The following COL5A1 variants were observed in gnomAD, a reference collection of about 807,000 sequenced individuals.
COL5A1 encodes the protein collagen type V alpha 1 chain, also known as collagen alpha-1(V) chain.
Under a neutral mutation model 263.7 loss-of-function variants are expected in COL5A1, and 16 were observed. That is an observed-to-expected ratio of 0.06 (90% confidence interval 0.04 to 0.09). The LOEUF (loss-of-function observed/expected upper bound fraction) is 0.09. Among genes scored for constraint, COL5A1 ranks in the 10% least tolerant of loss-of-function variants. The pLI is 1.00. For synonymous variants in COL5A1, 1,012 were observed against 1,004.5 expected, an observed-to-expected ratio of 1.01 and a Z score of -0.14; for missense variants, 2,036 against 2,540.5, an observed-to-expected ratio of 0.80 and a Z score of 4.27.
At chr9:134,830,156 C>G in intron 64 of COL5A1, 112 bp downstream of exon 64, 2 of 1,611,456 alleles carry the variant, frequency 1.2e-6, no homozygotes, top group Non-Finnish European at 1.7e-6. Context: ...CTGGTATAGT[C>G]AGTACAAGCG....
rs532325654 is a variant in COL5A1 at position 134,758,787 on chromosome 9, G to A, written c.1935+491G>A. 1.2e-4 allele frequency among the ~76,000 whole-genome samples: 19 copies of A among 152,286 alleles called. No homozygotes were observed. Among genetic ancestry groups the A allele is most frequent in the African/African-American group, 4.6e-4 (19 of 41,556 alleles). On this transcript the variant is annotated intron_variant, in intron 18 of 65. Coordinates refer to ENST00000371817, the MANE Select transcript of COL5A1 (RefSeq NM_000093.5). The surrounding 1 kb of genome is among the most constrained non-coding windows in gnomAD (Gnocchi z 4.1). ...CCCCTGTTCCCTGTTAATGGGCGTGGATGAATTTGAAAGTGTGTCCCGTGA... is the reference window on the plus strand; with the variant it reads ...CCCCTGTTCCCTGTTAATGGGCGTGAATGAATTTGAAAGTGTGTCCCGTGA...
At chr9:134,671,852 A>C (rs993746670) in intron 1 of COL5A1, among the ~76,000 whole-genome samples, 5 of 152,248 alleles carry the variant, frequency 3.3e-5, no homozygotes, top group African/African-American at 1.2e-4. Context: ...GTGCTGTCCG[A>C]TGCCAGGGCT....
intron 18 of COL5A1, among the ~76,000 whole-genome samples, chr9:134,760,492 CCA>C (rs779560736): frequency 8.3e-6 from 1 of 120,500 alleles, no homozygotes. Flanking sequence ...TGCACACACA[CCA>C]CACATGCACA....
At chr9:134,759,242 CACCACACAT>C in intron 18 of COL5A1, among the ~76,000 whole-genome samples, 1 of 140,112 alleles carries the variant, frequency 7.1e-6, no homozygotes, top group East Asian at 2.6e-4. Context: ...ACACCACATA[CACCACACAT>C]GTGTGCGCGC....
At chr9:134,819,139 TCCGTCACCTAAATGTGTCAAG>T in intron 57 of COL5A1, 86 bp downstream of exon 57, 1 of 1,396,224 alleles carries the variant, frequency 7.2e-7, no homozygotes, top group Non-Finnish European at 1.0e-6. Context: ...AAGCTCTTGA[TCCGTCACCTAAATGTGTCAAG>T]CACCTGCTGC....
At chr9:134,667,833 G>A (rs1832406392) in intron 1 of COL5A1, among the ~76,000 whole-genome samples, 1 of 152,212 alleles carries the variant, frequency 6.6e-6, no homozygotes, top group Non-Finnish European at 1.5e-5. Context: ...TCCTAGAAAA[G>A]GAGCTGAAAT....
chr9:134,654,412 T>C (rs1831836949), intron 1 of COL5A1, among the ~76,000 whole-genome samples: 2 of 86,452 alleles, frequency 2.3e-5, no homozygotes, highest in Admixed American at 1.3e-4. Flanking sequence ...CTGGTGTGTG[T>C]AGGGCTGGAG....
rs1375173281 is a variant in COL5A1, at chr9:134,759,270, AT to A, written c.1935+975del. On this transcript the variant is annotated intron_variant, in intron 18 of 65. Transcript: ENST00000371817. ...CACACATGTGTGCGCGCACACACTC[AT>A]ACACACATGCACACACACGCATACA... Among the ~76,000 whole-genome samples the A allele has an allele frequency of 1.6e-4, 17 of 105,692 alleles. No individual in the cohort carries two copies. In the East Asian group the frequency reaches 6.2e-3, roughly 39 times the overall value. 69.3% of individuals were successfully genotyped at this position (105,692 alleles called of 152,430 possible).
chr9:134,740,792 C>G lies in COL5A1; in HGVS notation c.1494+1984C>G, dbSNP rs187325922. Among the ~76,000 whole-genome samples the G allele has an allele frequency of 3.3e-3, 499 of 152,298 alleles. 2 individuals are homozygous for G. Among genetic ancestry groups the G allele is most frequent in the African/African-American group, 0.011 (473 of 41,566 alleles). ...CCTTGTGACACCGTGACCTACCCAG[C>G]TGCCGTGGAGGAGCCAAGGGCCCTG... On this transcript the variant is annotated intron_variant, in intron 11 of 65. Coordinates refer to ENST00000371817, the MANE Select transcript of COL5A1 (RefSeq NM_000093.5).
At chr9:134,762,000 C>A (rs371586440) in intron 19 of COL5A1, 22 bp downstream of exon 19, 1 of 1,611,896 alleles carries the variant, frequency 6.2e-7, no homozygotes, top group South Asian at 1.1e-5. Flanking sequence ...GCCGTCCCTC[C>A]GACTGCTCCT....
At chr9:134,764,629 G>A (rs779139465) in intron 20 of COL5A1, among the ~76,000 whole-genome samples, 2 of 152,056 alleles carry the variant, frequency 1.3e-5, no homozygotes, top group Non-Finnish European at 2.9e-5. Flanking sequence ...CTCTTTTCTC[G>A]TAGCCAAGTC....
intron 4 of COL5A1, among the ~76,000 whole-genome samples, chr9:134,707,812 A>G (rs1234446742): frequency 3.9e-5 from 6 of 152,174 alleles, no homozygotes; most frequent in Non-Finnish European, 8.8e-5. Context: ...GCAGCTCTGG[A>G]GCCCGCAGCC....
intron 1 of COL5A1, among the ~76,000 whole-genome samples, chr9:134,687,470 C>G (rs550377035): frequency 6.6e-6 from 1 of 151,564 alleles, no homozygotes; most frequent in African/African-American, 2.4e-5. Flanking sequence ...ATCCATCCAT[C>G]CATTCATCCA....
chr9:134,697,973 A>G (rs1024610413), intron 2 of COL5A1, among the ~76,000 whole-genome samples: 5 of 152,162 alleles, frequency 3.3e-5, no homozygotes, highest in African/African-American at 1.2e-4. Context: ...AGTCCCAGCT[A>G]CTTGGGAGGC....
intron 37 of COL5A1, among the ~76,000 whole-genome samples, chr9:134,798,713 G>T (rs1180591049): frequency 6.6e-6 from 1 of 152,264 alleles, no homozygotes; most frequent in Non-Finnish European, 1.5e-5. Context: ...GCAGGTGTTG[G>T]CTTTGGGCTG....
Position 134,652,780 on chromosome 9 carries a change from C to T in COL5A1, c.109+10484C>T, listed in dbSNP as rs779537954. The T allele has an allele frequency of 2.8e-5, 13 of 469,956 alleles. No individual in the cohort carries two copies. Among genetic ancestry groups the T allele is most frequent in the Non-Finnish European group, 5.3e-5 (12 of 226,482 alleles). 29.1% of individuals were successfully genotyped at this position (469,956 alleles called of 1,614,324 possible). ...TCTTAGGCCGGGTCCAGCGTTTCTC[C>T]TCATGGTGTAGACCAGCAGTTCCCA... On this transcript the variant is annotated intron_variant, in intron 1 of 65. Coordinates refer to ENST00000371817, the MANE Select transcript of COL5A1 (RefSeq NM_000093.5). This position sits in a 1 kb window ranked among gnomAD's most constrained non-coding sequence, Gnocchi z 4.4.
intron 1 of COL5A1, among the ~76,000 whole-genome samples, chr9:134,651,712 T>C (rs923520427): frequency 1.3e-5 from 2 of 152,166 alleles, no homozygotes; most frequent in African/African-American, 4.8e-5. Flanking sequence ...CCATGGGCTC[T>C]GCACAGTGGG....
chr9:134,731,487 C>T lies in COL5A1; in HGVS notation c.1165-9C>T, dbSNP rs759919482. Reference sequence around the variant, plus strand: ...CGAGGCAACCCTGCGCCTTCCTCTCCCTCTGCAGCCAGCTCCGCCTCCAGG... The same window carrying T: ...CGAGGCAACCCTGCGCCTTCCTCTCTCTCTGCAGCCAGCTCCGCCTCCAGG... On this transcript the variant is annotated splice_polypyrimidine_tract_variant and intron_variant, in intron 7 of 65. Transcript: ENST00000371817. 8 of 1,614,006 alleles carry T rather than the reference C, an allele frequency of 5.0e-6. No individual in the cohort carries two copies. In the South Asian group the frequency reaches 6.6e-5, roughly 13 times the overall value.
intron 37 of COL5A1, 62 bp downstream of exon 37, chr9:134,798,523 C>T (rs1837999570): frequency 2.6e-6 from 4 of 1,527,070 alleles, no homozygotes; most frequent in Non-Finnish European, 3.6e-6. Flanking sequence ...TGCACGTGGG[C>T]ACAGCCCTCG....
Sources: gnomAD v4.1 joint callset for allele counts (sites outside exome capture counted in the v4.1 genomes callset) on GRCh38, gnomAD v4.1.1 for gene constraint, Gnocchi (gnomAD v3.1) non-coding constraint, MANE v1.5 for transcripts, NCBI Gene and HGNC (gene_info 2026-07-23, HGNC 2026-07-21) for gene names.